PTBP3: variants seen among roughly 807,000 people sequenced by gnomAD.
PTBP3 encodes the protein polypyrimidine tract-binding protein 3.
A neutral mutation model predicts 58.7 loss-of-function variants in PTBP3; 20 were observed. The ratio of observed to expected loss-of-function variants is 0.34; its 90% CI spans 0.24 to 0.50. PTBP3 has a LOEUF of 0.50. Among genes scored for constraint, PTBP3 ranks in the 20% least tolerant of loss-of-function variants. PTBP3 has a pLI of 0.98. For synonymous variants in PTBP3, 185 were observed against 219.8 expected, an observed-to-expected ratio of 0.84 and a Z score of 1.40; for missense variants, 509 against 637.2, an observed-to-expected ratio of 0.80 and a Z score of 2.17.
At chr9:112,354,884 TA>T in the PTBP3 span, among the ~76,000 whole-genome samples, 32 of 152,160 alleles carry the variant, frequency 2.1e-4, no homozygotes, top group Admixed American at 5.9e-4. Flanking sequence ...TGAGCAGGGG[TA>T]AAGTTACATT....
chr9:112,371,905 T>G, the PTBP3 span, among the ~76,000 whole-genome samples: 1 of 152,086 alleles, frequency 6.6e-6, no homozygotes, highest in Non-Finnish European at 1.5e-5. Flanking sequence ...GGCTAATGGC[T>G]ATTTTTTTGT....
chr9:112,344,876 G>A, the PTBP3 span, among the ~76,000 whole-genome samples: 4 of 152,146 alleles, frequency 2.6e-5, no homozygotes, highest in Admixed American at 6.6e-5. Flanking sequence ...GCTCACACCT[G>A]TAATTCCACA....
rs1564391515 is a variant in PTBP3 at position 112,231,982 on chromosome 9, A to G, written c.1020+117T>C. 92 of 377,642 alleles carry G rather than the reference A, an allele frequency of 2.4e-4. 1 individual carries two copies. Among genetic ancestry groups the G allele is most frequent in the Non-Finnish European group, 3.5e-4 (85 of 240,324 alleles). 23.4% of individuals were successfully genotyped at this position (377,642 alleles called of 1,614,324 possible). A position where few individuals can be genotyped will look rare whatever the true frequency, so the allele number is the denominator to read the frequency against. ...GAGAAGAGAAGAGAGAAGAGAAGAGAAGAGAAGAGAAGAGAAGAGAAGAGA... is the reference window on the plus strand; with the variant it reads ...GAGAAGAGAAGAGAGAAGAGAAGAGGAGAGAAGAGAAGAGAAGAGAAGAGA... On this transcript the variant is annotated intron_variant, in intron 9 of 13. Transcript: ENST00000374257.
intron 5 of PTBP3, among the ~76,000 whole-genome samples, chr9:112,260,238 C>T (rs1261357247): frequency 6.6e-6 from 1 of 152,116 alleles, no homozygotes; most frequent in Non-Finnish European, 1.5e-5. Flanking sequence ...TGTATCAGGC[C>T]CTGTTCTATT....
At chr9:112,240,939 A>G (rs1835634265) in intron 7 of PTBP3, among the ~76,000 whole-genome samples, 1 of 152,168 alleles carries the variant, frequency 6.6e-6, no homozygotes, top group Non-Finnish European at 1.5e-5. Flanking sequence ...CGAAGAAAAA[A>G]TATTTTTGAA....
rs1472519274 is a variant in PTBP3 at position 112,222,699 on chromosome 9, CAGAG to C, written c.*1148_*1151del. On this transcript the variant is annotated 3_prime_UTR_variant, in exon 14 of 14. Coordinates refer to ENST00000374257, the MANE Select transcript of PTBP3 (RefSeq NM_001163788.4). ...AAAAAATTTTAAATCCTTACCAAAA[CAGAG>C]AAAGAAAAAACAAAATGCTTACCAA... The C allele has an allele frequency of 2.0e-6, 2 of 981,962 alleles. No individual in the cohort carries two copies. The highest frequency in any genetic ancestry group is 1.8e-5 in the African/African-American group (1 of 57,098). The allele number at this position is 981,962 out of a possible 1,614,324, so 60.8% of individuals were successfully genotyped here.
At chr9:112,284,367 A>C (rs1828012356) in intron 2 of PTBP3, among the ~76,000 whole-genome samples, 1 of 152,194 alleles carries the variant, frequency 6.6e-6, no homozygotes, top group African/African-American at 2.4e-5. Context: ...TAGATGTGAG[A>C]TGTGGAGTCA....
At chr9:112,298,063 G>A in intron 1 of PTBP3, 147 bp from the exon 2 acceptor site, 1 of 606,330 alleles carries the variant, frequency 1.6e-6, no homozygotes. Flanking sequence ...AAAATCAAAT[G>A]AACTGCATAG....
At chr9:112,231,695 A>G (rs951501855) in intron 9 of PTBP3, among the ~76,000 whole-genome samples, 2 of 151,800 alleles carry the variant, frequency 1.3e-5, no homozygotes, top group African/African-American at 4.8e-5. Flanking sequence ...TGAGCCCAGG[A>G]GCTTGAGACC....
At position 112,329,700 on chromosome 9, in the gene PTBP3, A is replaced by G. The variant is rs918216362; in HGVS notation, c.-52+3770T>C. 4.6e-4 allele frequency among the ~76,000 whole-genome samples: 70 copies of G among 152,202 alleles called. 1 individual carries two copies. The highest frequency in any genetic ancestry group is 1.7e-3 in the African/African-American group (70 of 41,454). ...TGATTACCTACCTTGAAGGATTGCT[A>G]TGATTGGTAAAAATACATGTAAAGC... On this transcript the variant is annotated intron_variant, in intron 1 of 13. Coordinates refer to ENST00000374257, the MANE Select transcript of PTBP3 (RefSeq NM_001163788.4).
rs114991530 is a variant in PTBP3, at chr9:112,239,547, T to C, written c.803-4650A>G. On this transcript the variant is annotated intron_variant, in intron 7 of 13. Transcript: ENST00000374257. ...GAGTTCAAGAGAAGCCTGGAAAACATAGTGAGACCCCGCCTCTCTATAAAA... is the reference window on the plus strand; with the variant it reads ...GAGTTCAAGAGAAGCCTGGAAAACACAGTGAGACCCCGCCTCTCTATAAAA... Among the ~76,000 whole-genome samples the C allele has an allele frequency of 9.6e-3, 1,457 of 151,226 alleles. 29 individuals are homozygous for C. Among genetic ancestry groups the C allele is most frequent in the African/African-American group, 0.034 (1,383 of 41,142 alleles).
At chr9:112,349,557 T>A in the PTBP3 span, among the ~76,000 whole-genome samples, 2 of 150,380 alleles carry the variant, frequency 1.3e-5, no homozygotes, top group Non-Finnish European at 2.9e-5. Context: ...TGACACTATC[T>A]CTACATATAG....
chr9:112,341,359 T>C, the PTBP3 span, among the ~76,000 whole-genome samples: 3 of 152,190 alleles, frequency 2.0e-5, no homozygotes, highest in East Asian at 5.8e-4. Flanking sequence ...CTCGAACTCC[T>C]GACTTCCAGT....
chr9:112,265,608 AG>A (rs896792437), intron 4 of PTBP3, among the ~76,000 whole-genome samples: 10 of 152,290 alleles, frequency 6.6e-5, no homozygotes, highest in African/African-American at 2.2e-4. Flanking sequence ...GGAATTCAAA[AG>A]GTAGTAAAGG....
At chr9:112,326,794 C>G (rs1328832415) in intron 1 of PTBP3, among the ~76,000 whole-genome samples, 1 of 152,174 alleles carries the variant, frequency 6.6e-6, no homozygotes, top group Non-Finnish European at 1.5e-5. Flanking sequence ...AAGCTGTACA[C>G]ACACAAAATG....
At position 112,273,541 on chromosome 9, in the gene PTBP3, A is replaced by G. The variant is rs565736485; in HGVS notation, c.204+2303T>C. 1.8e-4 allele frequency among the ~76,000 whole-genome samples: 27 copies of G among 152,362 alleles called. No homozygotes were observed. In the South Asian group the frequency reaches 5.4e-3, roughly 30 times the overall value. On this transcript the variant is annotated intron_variant, in intron 3 of 13. Coordinates refer to ENST00000374257, the MANE Select transcript of PTBP3 (RefSeq NM_001163788.4). ...TCACATAAAGGAAAAGCTAAACAAT[A>G]TATCTGGAATATGATTCTTGTCACA... is the stretch of plus-strand genomic sequence containing the variant.
At chr9:112,257,000 A>AT (rs538065037) in intron 5 of PTBP3, among the ~76,000 whole-genome samples, 114 of 152,296 alleles carry the variant, frequency 7.5e-4, no homozygotes, top group African/African-American at 2.5e-3. Context: ...CATTTGGAAA[A>AT]TTTTTATACT....
intron 5 of PTBP3, among the ~76,000 whole-genome samples, chr9:112,256,345 T>A (rs1007283308): frequency 6.7e-6 from 1 of 149,558 alleles, no homozygotes; most frequent in Non-Finnish European, 1.5e-5. Flanking sequence ...TACTGTACTA[T>A]ATATTTATTT....
the PTBP3 span, among the ~76,000 whole-genome samples, chr9:112,364,546 T>G: frequency 6.6e-6 from 1 of 152,142 alleles, no homozygotes; most frequent in African/African-American, 2.4e-5. Flanking sequence ...GGTGGAAGGA[T>G]AGCTTGAGCC....
Sources: gnomAD v4.1 joint callset for allele counts (sites outside exome capture counted in the v4.1 genomes callset) on GRCh38, gnomAD v4.1.1 for gene constraint, MANE v1.5 for transcripts, NCBI Gene and HGNC (gene_info 2026-07-23, HGNC 2026-07-21) for gene names.